The following ATRNL1 variants were observed in gnomAD, a reference collection of about 807,000 sequenced individuals.
ATRNL1 encodes the protein attractin like 1, also known as attractin-like protein 1.
Under a neutral mutation model 182.7 loss-of-function variants are expected in ATRNL1, and 95 were observed. The observed-to-expected ratio is 0.52, with a 90% CI of 0.44 to 0.62. The LOEUF is 0.62. ATRNL1 is among the 20% of genes least tolerant of loss of function. The probability of loss-of-function intolerance (pLI) is 0.00; values close to 1 mark genes in which losing one functional copy is unlikely to be tolerated. For missense variants in ATRNL1, 1,471 were observed against 1,679.5 expected (o/e 0.88, Z 2.17); for synonymous variants, 576 against 568.3 (o/e 1.01, Z -0.19).
intron 10 of ATRNL1, among the ~76,000 whole-genome samples, chr10:115,260,928 C>A (rs1851365948): frequency 6.6e-6 from 1 of 151,946 alleles, no homozygotes; most frequent in Non-Finnish European, 1.5e-5. Flanking sequence ...AAGAACATAA[C>A]ATTTTAGACA....
intron 26 of ATRNL1, among the ~76,000 whole-genome samples, chr10:115,604,761 A>C (rs782147710): frequency 6.6e-6 from 1 of 152,106 alleles, no homozygotes; most frequent in Non-Finnish European, 1.5e-5. Context: ...TTCTCTGCCT[A>C]TTGTCTAATA....
chr10:115,143,886 A>G (rs1431296861), intron 5 of ATRNL1, among the ~76,000 whole-genome samples: 2 of 152,042 alleles, frequency 1.3e-5, no homozygotes. Context: ...CCAGAGCCCC[A>G]CCTACTAATA....
chr10:115,874,515 A>C (rs974896255), intron 28 of ATRNL1, among the ~76,000 whole-genome samples: 2 of 152,238 alleles, frequency 1.3e-5, no homozygotes, highest in African/African-American at 4.8e-5. Context: ...AATTATACAC[A>C]AACTGTAGGA....
chr10:115,158,614 C>T (rs1396867339), intron 5 of ATRNL1, among the ~76,000 whole-genome samples: 1 of 151,668 alleles, frequency 6.6e-6, no homozygotes, highest in Non-Finnish European at 1.5e-5. Flanking sequence ...ACAATGTAAG[C>T]ATTGAAAAAA....
chr10:115,702,039 G>A (rs1946753457), intron 26 of ATRNL1, among the ~76,000 whole-genome samples: 1 of 151,910 alleles, frequency 6.6e-6, no homozygotes, highest in Admixed American at 6.6e-5. Context: ...CTAGCAAATT[G>A]AATCCAGCAG....
At chr10:115,857,611 G>A (rs1319869944) in intron 28 of ATRNL1, among the ~76,000 whole-genome samples, 2 of 152,130 alleles carry the variant, frequency 1.3e-5, no homozygotes, top group African/African-American at 4.8e-5. Context: ...ACATGGTGAT[G>A]GTCCTTCCAT....
chr10:115,228,749 A>G (rs1185625258), intron 9 of ATRNL1, among the ~76,000 whole-genome samples: 3 of 149,648 alleles, frequency 2.0e-5, no homozygotes, highest in Non-Finnish European at 3.0e-5. Flanking sequence ...AAAGACTTCA[A>G]TTATATTTCT....
chr10:115,185,001 A>G (rs1232284726), intron 8 of ATRNL1, among the ~76,000 whole-genome samples: 5 of 151,980 alleles, frequency 3.3e-5, no homozygotes, highest in African/African-American at 1.2e-4. Context: ...ATAAGTAAAT[A>G]TATTTTTTTG....
chr10:115,543,710 T>G (rs1852488496), intron 25 of ATRNL1, among the ~76,000 whole-genome samples: 1 of 152,204 alleles, frequency 6.6e-6, no homozygotes, highest in Non-Finnish European at 1.5e-5. Context: ...TTACTTATAT[T>G]GAATTCTTTT....
intron 27 of ATRNL1, among the ~76,000 whole-genome samples, chr10:115,761,176 A>G (rs1176273859): frequency 6.6e-6 from 1 of 152,222 alleles, no homozygotes; most frequent in African/African-American, 2.4e-5. Context: ...TAGTTTTATT[A>G]GAAAACTTTT....
chr10:115,837,413 T>G (rs1555095788), intron 27 of ATRNL1, among the ~76,000 whole-genome samples: 1 of 142,928 alleles, frequency 7.0e-6, no homozygotes, highest in Non-Finnish European at 1.5e-5. Context: ...ATTAGGAAAT[T>G]TAAATTTAGG....
intron 24 of ATRNL1, among the ~76,000 whole-genome samples, chr10:115,506,123 T>C (rs1384705914): frequency 6.6e-6 from 1 of 152,030 alleles, no homozygotes; most frequent in Non-Finnish European, 1.5e-5. Context: ...TCCCTTTTGC[T>C]GTCCATTTTC....
chr10:115,302,305 A>C (rs782151208), intron 17 of ATRNL1, among the ~76,000 whole-genome samples: 11 of 152,170 alleles, frequency 7.2e-5, no homozygotes, highest in Non-Finnish European at 1.0e-4. Context: ...TGTATGTTGC[A>C]GACAGTATAA....
At chr10:115,106,443 A>T (rs531616467) in intron 1 of ATRNL1, among the ~76,000 whole-genome samples, 25 of 152,146 alleles carry the variant, frequency 1.6e-4, no homozygotes, top group Non-Finnish European at 3.5e-4. Context: ...GGAAAGCATC[A>T]TTTGTTTTGA....
At chr10:115,789,931 A>G (rs1949487247) in intron 27 of ATRNL1, among the ~76,000 whole-genome samples, 1 of 152,216 alleles carries the variant, frequency 6.6e-6, no homozygotes, top group Non-Finnish European at 1.5e-5. Flanking sequence ...TTAATTAGCC[A>G]TGATTGAAGG....
chr10:115,265,103 A>G, intron 10 of ATRNL1, 90 bp from the exon 11 acceptor site: 3 of 789,594 alleles, frequency 3.8e-6, no homozygotes, highest in Middle Eastern at 3.6e-4. Flanking sequence ...TGCATAGTGT[A>G]TCTTTAATTC....
intron 19 of ATRNL1, among the ~76,000 whole-genome samples, chr10:115,363,307 A>G (rs1856846818): frequency 6.6e-6 from 1 of 151,898 alleles, no homozygotes; most frequent in South Asian, 2.1e-4. Flanking sequence ...TTGGCTGCAT[A>G]AATGTCTTCT....
rs1385253722 is a variant in ATRNL1 at position 115,442,297 on chromosome 10, C to CTCTCTCTCTCTCTCTCTT, written c.3322+16002_3322+16003insCTCTCTCTCTTTCTCTCT. Among the ~76,000 whole-genome samples the CTCTCTCTCTCTCTCTCTT allele has an allele frequency of 4.1e-3, 544 of 134,066 alleles. 5 individuals are homozygous for CTCTCTCTCTCTCTCTCTT. Among genetic ancestry groups the CTCTCTCTCTCTCTCTCTT allele is most frequent in the African/African-American group, 0.012 (492 of 39,612 alleles). 88.0% of individuals were successfully genotyped at this position (134,066 alleles called of 152,430 possible). Reference sequence around the variant, plus strand: ...TCTCTCTCTCTCTCTCTCTCTCTCTCTCTCTCTGTGTGTATGTGTGTGTGT... The same window carrying CTCTCTCTCTCTCTCTCTT: ...TCTCTCTCTCTCTCTCTCTCTCTCTCTCTCTCTCTCTCTCTCTTTCTCTCTGTGTGTATGTGTGTGTGT... On this transcript the variant is annotated intron_variant, in intron 21 of 28. Coordinates refer to ENST00000355044, the MANE Select transcript of ATRNL1 (RefSeq NM_207303.4).
chr10:115,941,021 C>T (rs541627368), intron 28 of ATRNL1, among the ~76,000 whole-genome samples: 9 of 152,200 alleles, frequency 5.9e-5, no homozygotes, highest in Admixed American at 5.9e-4. Context: ...GGACCTAAGC[C>T]AAATGAAACA....
Sources: gnomAD v4.1 joint callset for allele counts (sites outside exome capture counted in the v4.1 genomes callset) on GRCh38, gnomAD v4.1.1 for gene constraint, MANE v1.5 for transcripts, NCBI Gene and HGNC (gene_info 2026-07-23, HGNC 2026-07-21) for gene names.